MEIS1: variants seen among roughly 807,000 people sequenced by gnomAD.
The protein encoded by MEIS1 is Meis homeobox 1.
A neutral mutation model predicts 50.8 loss-of-function variants in MEIS1; 5 were observed. That is an observed-to-expected ratio of 0.10 (90% CI 0.05 to 0.21). MEIS1 has a LOEUF of 0.21. MEIS1 is among the 10% of genes least tolerant of loss of function. The pLI, the probability that MEIS1 is intolerant of heterozygous loss-of-function variation, is 1.00. For missense variants in MEIS1, 318 were observed against 517.3 expected, an observed-to-expected ratio of 0.61 and a Z score of 3.74; for synonymous variants, 176 against 179.3, an observed-to-expected ratio of 0.98 and a Z score of 0.15.
chr2:66,436,807 C>T, intron 1 of MEIS1: 2 of 877,716 alleles, frequency 2.3e-6, no homozygotes, highest in Non-Finnish European at 2.7e-6. Flanking sequence ...TGGAATGAAC[C>T]AATTAGAAAA....
intron 1 of MEIS1, among the ~76,000 whole-genome samples, chr2:66,437,156 A>C (rs1671815759): frequency 1.3e-5 from 2 of 152,194 alleles, no homozygotes; most frequent in Admixed American, 1.3e-4. Context: ...ATAATTTAGC[A>C]GAGTTTGTCT....
chr2:66,539,051 C>T (rs1218287776), intron 8 of MEIS1, among the ~76,000 whole-genome samples: 1 of 152,098 alleles, frequency 6.6e-6, no homozygotes, highest in Non-Finnish European at 1.5e-5. Flanking sequence ...CCACGGCTGG[C>T]TAATTTTTTG....
chr2:66,452,380 T>A (rs1672296287), intron 6 of MEIS1, among the ~76,000 whole-genome samples: 1 of 151,978 alleles, frequency 6.6e-6, no homozygotes, highest in African/African-American at 2.4e-5. Flanking sequence ...CTACAGAGCA[T>A]ATGGAATTCA....
intron 7 of MEIS1, among the ~76,000 whole-genome samples, chr2:66,506,988 G>A (rs1673698439): frequency 6.6e-6 from 1 of 152,162 alleles, no homozygotes; most frequent in Non-Finnish European, 1.5e-5. Flanking sequence ...CACTTTTCAA[G>A]GGGTGAGATG....
At chr2:66,447,417 A>G (rs889551999) in intron 6 of MEIS1, among the ~76,000 whole-genome samples, 3 of 152,202 alleles carry the variant, frequency 2.0e-5, no homozygotes, top group African/African-American at 7.2e-5. Flanking sequence ...GTTGTGGGTC[A>G]TGTGATATAG....
chr2:66,537,582 C>T (rs965304081), intron 8 of MEIS1, among the ~76,000 whole-genome samples: 1 of 152,220 alleles, frequency 6.6e-6, no homozygotes, highest in Admixed American at 6.5e-5. Flanking sequence ...TATCTCCTCA[C>T]CAAATGTACC....
At chr2:66,487,606 T>C (rs769070518) in intron 7 of MEIS1, among the ~76,000 whole-genome samples, 7 of 152,162 alleles carry the variant, frequency 4.6e-5, no homozygotes, top group Non-Finnish European at 7.4e-5. Context: ...TTTAAGTAAT[T>C]GGTTATGTGT....
chr2:66,437,507 A>G, intron 1 of MEIS1: 1 of 557,532 alleles, frequency 1.8e-6, no homozygotes, highest in Admixed American at 3.1e-5. Context: ...ATAGGGACAC[A>G]AGTTAGGGCA....
chr2:66,459,452 G>T (rs1477653442), intron 6 of MEIS1, among the ~76,000 whole-genome samples: 2 of 152,120 alleles, frequency 1.3e-5, no homozygotes, highest in Non-Finnish European at 2.9e-5. Flanking sequence ...TTTCCTGTGT[G>T]CCAGCCAACT....
At position 66,437,928 on chromosome 2, in the gene MEIS1, T is replaced by C. The variant is rs375784028; in HGVS notation, c.204T>C (p.Asn68=). ...CCCCCAGCATGGGCTCCTCTGTCAA[T>C]GACGCTTTAAAGAGAGATAAAGATG... ...AMAPSMGSSV[N]DALKRDKDAI... is the part of the protein sequence containing the mutation. Residue 68 remains asparagine (N), a synonymous_variant, in exon 2 of 13, where the codon AAT becomes AAC. Coordinates refer to ENST00000272369, the MANE Select transcript of MEIS1 (RefSeq NM_002398.3). The C allele has an allele frequency of 1.3e-6, 2 of 1,595,394 alleles. No homozygotes were observed. The highest frequency in any genetic ancestry group is 1.7e-6 in the Non-Finnish European group (2 of 1,170,676).
intron 8 of MEIS1, among the ~76,000 whole-genome samples, chr2:66,514,277 G>A (rs544563871): frequency 1.3e-4 from 20 of 152,228 alleles, no homozygotes; most frequent in African/African-American, 4.8e-4. Context: ...TAGTTTTCCT[G>A]TTTTTCTAGG....
chr2:66,439,048 G>A (rs1671875211), intron 2 of MEIS1: 3 of 151,416 alleles, frequency 2.0e-5, no homozygotes, highest in Non-Finnish European at 1.4e-5. Context: ...TTGGGCATTA[G>A]AAGAAGCTTT....
chr2:66,469,299 C>T (rs1672712980), intron 7 of MEIS1, among the ~76,000 whole-genome samples: 1 of 152,160 alleles, frequency 6.6e-6, no homozygotes, highest in Non-Finnish European at 1.5e-5. Context: ...GTGCCTCCCA[C>T]TGCCCCATCC....
chr2:66,440,657 C>T (rs780998903), intron 4 of MEIS1, 45 bp downstream of exon 4: 2 of 1,205,454 alleles, frequency 1.7e-6, no homozygotes, highest in Non-Finnish European at 2.3e-6. Context: ...CGACCCCCTA[C>T]CTCCCACCTC....
chr2:66,447,410 G>A (rs1253244571), intron 6 of MEIS1, among the ~76,000 whole-genome samples: 2 of 152,176 alleles, frequency 1.3e-5, no homozygotes, highest in African/African-American at 4.8e-5. Context: ...TGATTGTGTT[G>A]TGGGTCATGT....
intron 7 of MEIS1, among the ~76,000 whole-genome samples, chr2:66,482,534 G>A (rs531558721): frequency 6.6e-6 from 1 of 152,098 alleles, no homozygotes; most frequent in Admixed American, 6.5e-5. Flanking sequence ...TCTGTCTCTC[G>A]TTAGAAAGAG....
At chr2:66,556,387 T>G (rs1675065314) in intron 9 of MEIS1, among the ~76,000 whole-genome samples, 1 of 152,140 alleles carries the variant, frequency 6.6e-6, no homozygotes, top group Admixed American at 6.5e-5. Context: ...TTCAAACACA[T>G]TAACTCCTCC....
Position 66,435,269 on chromosome 2 carries a change from C to T in MEIS1, c.-588C>T, listed in dbSNP as rs1376362540. On this transcript the variant is annotated 5_prime_UTR_variant, in exon 1 of 13. Transcript: ENST00000272369. ...TAACCCTCCTTCTCTAATCTCCTTC[C>T]AGTGCAGCACTTGCAAAGAGGGAGA... 1 of 153,346 alleles carries T rather than the reference C, an allele frequency of 6.5e-6. No homozygotes were observed. Among genetic ancestry groups the T allele is most frequent in the Non-Finnish European group, 1.5e-5 (1 of 68,928 alleles). The allele number at this position is 153,346 out of a possible 1,614,324, so 9.5% of individuals were successfully genotyped here. A position where few individuals can be genotyped will look rare whatever the true frequency, so the allele number is the denominator to read the frequency against.
chr2:66,525,118 C>T (rs114574735), intron 8 of MEIS1, among the ~76,000 whole-genome samples: 2,488 of 152,044 alleles, frequency 0.016, 67 homozygotes, highest in African/African-American at 0.057. Flanking sequence ...GAGGCTAAGG[C>T]AGGAAAATCG....
Sources: allele counts gnomAD v4.1 joint callset (sites outside exome capture counted in the v4.1 genomes callset), GRCh38; gene constraint gnomAD v4.1.1; transcripts MANE v1.5; gene names NCBI Gene and HGNC (gene_info 2026-07-23, HGNC 2026-07-21).